The following PPP2R2C variants were observed in gnomAD, a reference collection of about 807,000 sequenced individuals.
The protein encoded by PPP2R2C is protein phosphatase 2, regulatory subunit B, gamma.
In PPP2R2C, 10 loss-of-function variants were observed where a neutral mutation model predicts 45.3. The ratio of observed to expected loss-of-function variants is 0.22; its 90% CI spans 0.14 to 0.37. PPP2R2C has a LOEUF of 0.37. Among genes scored for constraint, PPP2R2C ranks in the 10% least tolerant of loss-of-function variants. PPP2R2C has a pLI of 1.00. For synonymous variants in PPP2R2C, 257 were observed against 245.4 expected (o/e 1.05, Z -0.44); for missense variants, 308 against 619.7 (o/e 0.50, Z 5.34).
intron 2 of PPP2R2C, among the ~76,000 whole-genome samples, chr4:6,523,153 G>A (rs539505228): frequency 4.6e-5 from 7 of 152,358 alleles, no homozygotes; most frequent in African/African-American, 1.7e-4. Flanking sequence ...TGCCCTCAGA[G>A]GGGCAAGTGC....
At chr4:6,373,900 C>CGTGTGTGTGT (rs1560492609) in intron 4 of PPP2R2C, among the ~76,000 whole-genome samples, 4,275 of 123,846 alleles carry the variant, frequency 0.035, 67 homozygotes, top group African/African-American at 0.043. Context: ...TATGTGCATG[C>CGTGTGTGTGT]ATGTGTGTGT....
At position 6,520,407 on chromosome 4, in the gene PPP2R2C, T is replaced by C. The variant is rs74795215; in HGVS notation, c.49+14864A>G. 3.5e-3 allele frequency among the ~76,000 whole-genome samples: 537 copies of C among 152,192 alleles called. 3 individuals are homozygous for C. Among genetic ancestry groups the C allele is most frequent in the African/African-American group, 0.012 (512 of 41,514 alleles). ...CTGTCCCACATCCTTCTGGACAAGATCTCTCAGGCACTGCCCTGAGCAGAG... is the reference window on the plus strand; with the variant it reads ...CTGTCCCACATCCTTCTGGACAAGACCTCTCAGGCACTGCCCTGAGCAGAG... On this transcript the variant is annotated intron_variant, in intron 2 of 9. Coordinates refer to the PPP2R2C transcript ENST00000506140.
In PPP2R2C at chr4:6,345,821, G is replaced by A. The variant is rs575150762; in HGVS notation, c.790+2025C>T. On this transcript the variant is annotated intron_variant, in intron 6 of 8. Coordinates refer to ENST00000382599, the MANE Select transcript of PPP2R2C (RefSeq NM_020416.4). The surrounding 1 kb of genome is among the most constrained non-coding windows in gnomAD (Gnocchi z 5.3). ...CGCAGCCCCGAGCCCCCTGCACCCC[G>A]GGAATCTCAGCTGGTCTCCAGCCTC... Among the ~76,000 whole-genome samples the A allele has an allele frequency of 5.9e-5, 9 of 152,206 alleles. No homozygotes were observed. The highest frequency in any genetic ancestry group is 2.1e-4 in the South Asian group (1 of 4,824).
intron 6 of PPP2R2C, among the ~76,000 whole-genome samples, chr4:6,339,944 G>A (rs372490090): frequency 7.2e-5 from 11 of 152,158 alleles, no homozygotes; most frequent in African/African-American, 2.7e-4. Flanking sequence ...ATGGATCCCC[G>A]AGCACCCCTG....
intron 1 of PPP2R2C, among the ~76,000 whole-genome samples, chr4:6,451,303 C>A (rs1720720907): frequency 6.6e-6 from 1 of 152,226 alleles, no homozygotes; most frequent in Non-Finnish European, 1.5e-5. Context: ...TGCCAACACT[C>A]CAGCCCCTGC....
chr4:6,452,592 C>T (rs1269736380), intron 1 of PPP2R2C, among the ~76,000 whole-genome samples: 1 of 152,254 alleles, frequency 6.6e-6, no homozygotes, highest in East Asian at 1.9e-4. Flanking sequence ...GTAGCCCTAA[C>T]CCCTAGGCTT....
At position 6,329,371 on chromosome 4, in the gene PPP2R2C, G is replaced by T; in HGVS notation, c.961-18C>A. 1 of 1,605,046 alleles carries T rather than the reference G, an allele frequency of 6.2e-7. No individual in the cohort carries two copies. Among genetic ancestry groups the T allele is most frequent in the Non-Finnish European group, 8.5e-7 (1 of 1,171,742 alleles). On this transcript the variant is annotated intron_variant, in intron 7 of 8. Coordinates refer to ENST00000382599, the MANE Select transcript of PPP2R2C (RefSeq NM_020416.4). This position sits in a 1 kb window ranked among gnomAD's most constrained non-coding sequence, Gnocchi z 5.8. Reference sequence around the variant, plus strand: ...TCATGGACCTGGTGGGATAAGGGATGAGGTGAGTGGACGGGGCGTCCCGAC... The same window carrying T: ...TCATGGACCTGGTGGGATAAGGGATTAGGTGAGTGGACGGGGCGTCCCGAC...
chr4:6,337,112 G>GTATATATATA lies in PPP2R2C; in HGVS notation c.791-3391_791-3382dup, dbSNP rs61657951. ...CATCTTTGTTTCTGTATGTGTGTGT[G>GTATATATATA]TATATATATATATATATATATATAT... is the stretch of plus-strand genomic sequence containing the variant. On this transcript the variant is annotated intron_variant, in intron 6 of 8. Transcript: ENST00000382599. 7.9e-3 allele frequency among the ~76,000 whole-genome samples: 238 copies of GTATATATATA among 30,026 alleles called. 25 individuals are homozygous for GTATATATATA. Among genetic ancestry groups the GTATATATATA allele is most frequent in the East Asian group, 0.016 (7 of 426 alleles). The allele number at this position is 30,026 out of a possible 152,430, so 19.7% of individuals were successfully genotyped here. A position where few individuals can be genotyped will look rare whatever the true frequency, so the allele number is the denominator to read the frequency against.
At chr4:6,375,232 T>C (rs1368762422) in intron 4 of PPP2R2C, among the ~76,000 whole-genome samples, 1 of 152,232 alleles carries the variant, frequency 6.6e-6, no homozygotes, top group Non-Finnish European at 1.5e-5. Flanking sequence ...TTTAGGCCAA[T>C]GTATTTAAAC....
At chr4:6,439,074 T>C (rs989887617) in intron 1 of PPP2R2C, among the ~76,000 whole-genome samples, 1 of 152,220 alleles carries the variant, frequency 6.6e-6, no homozygotes, top group Non-Finnish European at 1.5e-5. Flanking sequence ...ACCACACCTA[T>C]TCCTAGAATA....
chr4:6,385,290 G>T (rs1252421165), intron 1 of PPP2R2C, among the ~76,000 whole-genome samples: 1 of 152,166 alleles, frequency 6.6e-6, no homozygotes, highest in African/African-American at 2.4e-5. Flanking sequence ...GGCCCATGAA[G>T]GAGCTAGTGG....
intron 2 of PPP2R2C, among the ~76,000 whole-genome samples, chr4:6,495,482 A>C (rs1722851900): frequency 6.6e-6 from 1 of 152,202 alleles, no homozygotes; most frequent in African/African-American, 2.4e-5. Flanking sequence ...CCCACCTGGG[A>C]TGAGCCATGT....
intron 1 of PPP2R2C, among the ~76,000 whole-genome samples, chr4:6,433,600 C>G (rs554353654): frequency 1.3e-4 from 20 of 152,326 alleles, no homozygotes; most frequent in East Asian, 9.7e-4. Context: ...GTCATCCCCC[C>G]CATTGGGCCA....
At chr4:6,348,835 TC>T (rs1712256097) in intron 5 of PPP2R2C, 4 of 653,868 alleles carry the variant, frequency 6.1e-6, no homozygotes, top group Non-Finnish European at 7.6e-6. Context: ...CTGAAGCCAT[TC>T]CCCCCAGACT....
intron 5 of PPP2R2C, among the ~76,000 whole-genome samples, chr4:6,358,627 A>G (rs533419742): frequency 8.2e-6 from 1 of 121,334 alleles, no homozygotes; most frequent in South Asian, 3.5e-4. Flanking sequence ...GAATCTACAA[A>G]GAACTTAAAC....
chr4:6,346,266 T>C (rs1239826052), intron 6 of PPP2R2C, among the ~76,000 whole-genome samples: 1 of 152,030 alleles, frequency 6.6e-6, no homozygotes, highest in Non-Finnish European at 1.5e-5. Context: ...AGCTTCTCAT[T>C]CTCAGCTCAG....
At chr4:6,334,671 A>G (rs1379167722) in intron 6 of PPP2R2C, among the ~76,000 whole-genome samples, 1 of 152,168 alleles carries the variant, frequency 6.6e-6, no homozygotes, top group Non-Finnish European at 1.5e-5. Context: ...CCAGGGAACG[A>G]TGGGAAGAGA....
intron 3 of PPP2R2C, among the ~76,000 whole-genome samples, chr4:6,377,181 G>A (rs77332245): frequency 1.1e-3 from 167 of 152,354 alleles, no homozygotes; most frequent in African/African-American, 3.8e-3. Context: ...GAGCGTGGAC[G>A]TCCTCGGGGA....
chr4:6,376,872 G>A (rs925172699), intron 3 of PPP2R2C, among the ~76,000 whole-genome samples: 1 of 152,216 alleles, frequency 6.6e-6, no homozygotes, highest in African/African-American at 2.4e-5. Context: ...TCAGGTGACA[G>A]ATTTGCTGGG....
Sources: allele counts gnomAD v4.1 joint callset (sites outside exome capture counted in the v4.1 genomes callset), GRCh38; gene constraint gnomAD v4.1.1; non-coding constraint Gnocchi (gnomAD v3.1); transcripts MANE v1.5; gene names NCBI Gene and HGNC (gene_info 2026-07-23, HGNC 2026-07-21).